Variants in PRSS53 observed in about 807,000 individuals in gnomAD.
PRSS53 encodes EDTP308.
A neutral mutation model predicts 62.7 loss-of-function variants in PRSS53; 54 were observed. The observed-to-expected ratio is 0.86, with a 90% CI of 0.69 to 1.08. The LOEUF is 1.08. Among genes scored for constraint, PRSS53 ranks in the 50% least tolerant of loss-of-function variants. The pLI is 0.00. For missense variants in PRSS53, 688 were observed against 728.3 expected (o/e 0.94, Z 0.64); for synonymous variants, 273 against 300.0 (o/e 0.91, Z 0.93).
chr16:31,084,002 T>C (rs1019579880), intron 10 of PRSS53, 117 bp downstream of exon 10: 3 of 1,498,402 alleles, frequency 2.0e-6, no homozygotes, highest in Non-Finnish European at 2.7e-6. Context: ...CAAATGGGTC[T>C]GCCTGTTGCT....
chr16:31,088,561 C>G, intron 1 of PRSS53, 191 bp downstream of exon 1: 2 of 1,435,646 alleles, frequency 1.4e-6, no homozygotes, highest in African/African-American at 1.4e-5. Context: ...GCAGCTGGCC[C>G]GAGAAAATCT....
intron 1 of PRSS53, chr16:31,088,498 C>A (rs949712167): frequency 7.2e-7 from 1 of 1,384,614 alleles, no homozygotes; most frequent in Non-Finnish European, 9.4e-7. Flanking sequence ...ACAGGACACA[C>A]GCAGGCAGCA....
chr16:31,085,617 C>T (rs1357880085), intron 6 of PRSS53, among the ~76,000 whole-genome samples: 6 of 152,176 alleles, frequency 3.9e-5, no homozygotes, highest in African/African-American at 7.2e-5. Context: ...ACATAATATC[C>T]GTCCCAGGAA....
At chr16:31,086,577 T>G in intron 4 of PRSS53, 56 bp downstream of exon 4, 1 of 1,553,804 alleles carries the variant, frequency 6.4e-7, no homozygotes, top group East Asian at 2.3e-5. Context: ...GAGCTGAGAC[T>G]GTGACGCTGG....
Position 31,084,170 on chromosome 16 carries a change from C to T in PRSS53, c.1591G>A (p.Ala531Thr), listed in dbSNP as rs774966273. The T allele has an allele frequency of 1.1e-5, 18 of 1,602,432 alleles. No homozygotes were observed. Among genetic ancestry groups the T allele is most frequent in the South Asian group, 3.4e-5 (3 of 89,244 alleles). Reference sequence around the variant, plus strand: ...TCAGCCTCGGGCTCTGGTTCCTCGGCGAAGTAGACCTGCCAGTCCAAACTG... The same window carrying T: ...TCAGCCTCGGGCTCTGGTTCCTCGGTGAAGTAGACCTGCCAGTCCAAACTG... The change falls in exon 10 of 11, where the codon GCC becomes ACC. Residue 531 changes from alanine to threonine, a missense_variant. By Grantham distance (58) the Ala-to-Thr change is moderately conservative (BLOSUM62 0). Coordinates refer to ENST00000280606, the Ensembl canonical transcript of PRSS53.
In PRSS53 at chr16:31,084,607, A is replaced by C; in HGVS notation, c.1376T>G (p.Leu459Arg). 6.2e-7 allele frequency: 1 copy of C among 1,607,274 alleles called. No homozygotes were observed. Among genetic ancestry groups the C allele is most frequent in the Non-Finnish European group, 8.5e-7 (1 of 1,177,884 alleles). Residue 459 changes from leucine to arginine, a missense_variant, in exon 9 of 11, where the codon CTG (leucine) becomes CGG (arginine). Leu to Arg is a moderately radical substitution (Grantham distance 102). Transcript: ENST00000280606. Reference sequence around the variant, plus strand: ...AGCACTGGTACACACCATCCCCGGCAGAATAGGGCTGCCATCACCCCCAGG... The same window carrying C: ...AGCACTGGTACACACCATCCCCGGCCGAATAGGGCTGCCATCACCCCCAGG...
intron 1 of PRSS53, chr16:31,088,203 GAGGA>G: frequency 8.3e-7 from 1 of 1,200,908 alleles, no homozygotes; most frequent in South Asian, 1.8e-5. Flanking sequence ...AGAGGCCTAA[GAGGA>G]AGGATTAGAG....
exon 5 of PRSS53, chr16:31,086,393 C>A (rs1383986897): frequency 6.2e-7 from 1 of 1,614,112 alleles, no homozygotes. Context: ...CCAGGCCGGG[C>A]CGGGTTGGAC....
In PRSS53 at chr16:31,084,552, G is replaced by A; in HGVS notation, c.1425+6C>T. The A allele has an allele frequency of 6.2e-7, 1 of 1,601,414 alleles. No homozygotes were observed. Among genetic ancestry groups the A allele is most frequent in the South Asian group, 1.1e-5 (1 of 89,082 alleles). On this transcript the variant is annotated splice_donor_region_variant and intron_variant, in intron 9 of 10. Coordinates refer to ENST00000280606, the Ensembl canonical transcript of PRSS53. ...GTTAGGTAAGGTGTGGGGGCCTGGG[G>A]CTCACCTCACAGCTGGGCAGCTCAC...
At position 31,086,799 on chromosome 16, in the gene PRSS53, C is replaced by T. The variant is rs748012747; in HGVS notation, c.342G>A (p.Leu114=). The T allele has an allele frequency of 3.7e-6, 6 of 1,613,544 alleles. No individual in the cohort carries two copies. In the East Asian group the frequency reaches 1.3e-4, roughly 36 times the overall value. Reference sequence around the variant, plus strand: ...AGTGGTTATAGGCCCTGGGCAACTGCAGGGCAGCCACCCCCACCTCTTCGG... The same window carrying T: ...AGTGGTTATAGGCCCTGGGCAACTGTAGGGCAGCCACCCCCACCTCTTCGG... Residue 114 remains leucine (L), a synonymous_variant, in exon 4 of 11, where the codon CTG becomes CTA. Transcript: ENST00000280606.
At chr16:31,084,024 A>C in intron 10 of PRSS53, 95 bp downstream of exon 10, 1 of 1,503,990 alleles carries the variant, frequency 6.6e-7, no homozygotes, top group East Asian at 2.5e-5. Flanking sequence ...CACCCTACCC[A>C]AGGCAGCTGG....
chr16:31,086,716 G>A, exon 4 of PRSS53: 1 of 1,581,396 alleles, frequency 6.3e-7, no homozygotes, highest in Non-Finnish European at 8.6e-7. Flanking sequence ...CAGGCAGAGG[G>A]GTGTGTGGGT....
chr16:31,085,867 A>G, intron 6 of PRSS53, 97 bp downstream of exon 6: 2 of 1,122,170 alleles, frequency 1.8e-6, no homozygotes, highest in Non-Finnish European at 2.6e-6. Flanking sequence ...CCCCCTAATT[A>G]GGCTCGGCGG....
rs2057232209 is a variant in PRSS53, at chr16:31,086,246, A to T, written c.664-63T>A. 3.1e-6 allele frequency: 5 copies of T among 1,588,606 alleles called. No individual in the cohort carries two copies. In the African/African-American group the frequency reaches 5.4e-5, roughly 17 times the overall value. On this transcript the variant is annotated intron_variant, in intron 5 of 10. Transcript: ENST00000280606. ...GCCCAGCTATGGCAGACACCCTCTG[A>T]TTGCAGGTCTTTCCCCCAGTCCTGT...
At chr16:31,084,463 G>A in intron 9 of PRSS53, 95 bp downstream of exon 9, 1 of 1,503,968 alleles carries the variant, frequency 6.6e-7, no homozygotes, top group Non-Finnish European at 9.0e-7. Flanking sequence ...GTGGGAGGTG[G>A]GTCCAGAGGC....
Position 31,086,107 on chromosome 16 carries a change from G to T in PRSS53, c.740C>A (p.Ser247Ter), listed in dbSNP as rs774847416. 6.2e-7 allele frequency: 1 copy of T among 1,613,638 alleles called. No individual in the cohort carries two copies. The highest frequency in any genetic ancestry group is 1.3e-5 in the African/African-American group (1 of 75,030). Residue 247 changes from serine (S) to a stop codon, truncating the protein, a stop_gained, in exon 6 of 11, where the codon TCA (serine) becomes TAA (stop). Coordinates refer to ENST00000280606, the Ensembl canonical transcript of PRSS53. LOFTEE classifies it high-confidence loss of function. ...AGGAGCGTCCTCCTGGGCACAGCTT[G>T]ATGCAAAGCTGATGATGCCAGCCTG...
chr16:31,084,828 G>T lies in PRSS53; in HGVS notation c.1231C>A (p.Pro411Thr), dbSNP rs774414921. ...AGAACCCAGCCACGCTCCCCATCAG[G>T]CAGGTGGTGGTCAGGATAGGGCAGG... The change falls in exon 8 of 11, where the codon CCT becomes ACT. Residue 411 changes from proline to threonine, a missense_variant. By Grantham distance (38) the Pro-to-Thr change is conservative. Coordinates refer to ENST00000280606, the Ensembl canonical transcript of PRSS53. 1.6e-5 allele frequency: 24 copies of T among 1,547,138 alleles called. No homozygotes were observed. The highest frequency in any genetic ancestry group is 1.9e-5 in the Admixed American group (1 of 51,318).
Position 31,084,924 on chromosome 16 carries a change from C to G in PRSS53, c.1135G>C (p.Gly379Arg), listed in dbSNP as rs1351540994. The G allele has an allele frequency of 1.0e-5, 16 of 1,544,204 alleles. No individual in the cohort carries two copies. The highest frequency in any genetic ancestry group is 1.4e-5 in the Non-Finnish European group (16 of 1,143,380). Reference sequence around the variant, plus strand: ...AGCAGGAGGGCCATGTCGTAGCCCCCCTCAGGGTGGGTGTAGGCTCCATGC... The same window carrying G: ...AGCAGGAGGGCCATGTCGTAGCCCCGCTCAGGGTGGGTGTAGGCTCCATGC... Residue 379 changes from glycine (G) to arginine (R), a missense_variant, in exon 8 of 11, where the codon GGG becomes CGG. By Grantham distance (125) the Gly-to-Arg change is moderately radical. Coordinates refer to ENST00000280606, the Ensembl canonical transcript of PRSS53.
exon 7 of PRSS53, chr16:31,085,142 C>G (rs2057219059): frequency 6.2e-7 from 1 of 1,612,292 alleles, no homozygotes; most frequent in Non-Finnish European, 8.5e-7. Context: ...TTAGCACCGC[C>G]TCCTCTGACA....
Sources: allele counts gnomAD v4.1 joint callset (sites outside exome capture counted in the v4.1 genomes callset), GRCh38; gene constraint gnomAD v4.1.1; transcripts MANE v1.5; gene names NCBI Gene and HGNC (gene_info 2026-07-23, HGNC 2026-07-21).